CENPC: variants seen among roughly 807,000 people sequenced by gnomAD.
The protein encoded by CENPC is CENP-C 1.
In CENPC, 63 loss-of-function variants were observed where a neutral mutation model predicts 112.1. The ratio of observed to expected loss-of-function variants is 0.56; its 90% confidence interval spans 0.46 to 0.69. The LOEUF (loss-of-function observed/expected upper bound fraction) is 0.69. Among genes scored for constraint, CENPC ranks in the 30% least tolerant of loss-of-function variants. CENPC has a pLI of 0.00. For synonymous variants in CENPC, 333 were observed against 367.6 expected, an observed-to-expected ratio of 0.91 and a Z score of 1.08; for missense variants, 1,000 against 1,103.8, an observed-to-expected ratio of 0.91 and a Z score of 1.33.
At chr4:67,526,362 A>T (rs1394054836) in intron 5 of CENPC, among the ~76,000 whole-genome samples, 2 of 152,160 alleles carry the variant, frequency 1.3e-5, no homozygotes, top group African/African-American at 4.8e-5. Context: ...TCAAAAAAAA[A>T]ATAGGGTAGT....
At chr4:67,494,018 A>G (rs1307734820) in intron 13 of CENPC, 30 bp from the exon 14 acceptor site, 22 of 1,470,636 alleles carry the variant, frequency 1.5e-5, no homozygotes, top group Non-Finnish European at 2.0e-5. Flanking sequence ...AAAAGTGTAT[A>G]CATAGTTTTT....
At chr4:67,543,616 G>GC (rs762241691) in intron 2 of CENPC, among the ~76,000 whole-genome samples, 3 of 152,040 alleles carry the variant, frequency 2.0e-5, no homozygotes, top group Non-Finnish European at 2.9e-5. Flanking sequence ...ATACTTCTGT[G>GC]CCCCATTGGA....
chr4:67,536,686 T>TA (rs1226035347), intron 4 of CENPC, among the ~76,000 whole-genome samples: 2 of 151,648 alleles, frequency 1.3e-5, no homozygotes, highest in African/African-American at 4.8e-5. Context: ...CCCTAACACC[T>TA]ACAAAGTCTC....
At chr4:67,480,848 A>G (rs192742059) in intron 17 of CENPC, among the ~76,000 whole-genome samples, 3 of 152,320 alleles carry the variant, frequency 2.0e-5, no homozygotes, top group South Asian at 2.1e-4. Flanking sequence ...CATACTGAAC[A>G]AGGAAAAGTT....
At chr4:67,539,737 T>C in intron 4 of CENPC, 103 bp downstream of exon 4, 1 of 579,272 alleles carries the variant, frequency 1.7e-6, no homozygotes. Flanking sequence ...GAATTCCCTT[T>C]CAAGAATAAG....
intron 16 of CENPC, 44 bp from the exon 17 acceptor site, chr4:67,490,165 T>C: frequency 7.4e-7 from 1 of 1,357,668 alleles, no homozygotes; most frequent in Non-Finnish European, 1.0e-6. Context: ...ACAGCAGTAT[T>C]GGTTAATGAT....
At chr4:67,481,115 G>A (rs1270259936) in intron 17 of CENPC, among the ~76,000 whole-genome samples, 2 of 152,078 alleles carry the variant, frequency 1.3e-5, no homozygotes, top group Non-Finnish European at 2.9e-5. Context: ...CAAAATCAAC[G>A]TACACAAATC....
chr4:67,513,049 T>C lies in CENPC; in HGVS notation c.1445-480A>G, dbSNP rs547607245. 3.3e-5 allele frequency among the ~76,000 whole-genome samples: 5 copies of C among 152,160 alleles called. No homozygotes were observed. In the South Asian group the frequency reaches 1.0e-3, roughly 32 times the overall value. ...CTTTTAAAAGCTGTGGTCAGAGAGA[T>C]GAGATGATGGAAGAAGAGGCAAGAT... is the stretch of plus-strand genomic sequence containing the variant. On this transcript the variant is annotated intron_variant, in intron 8 of 18. Transcript: ENST00000273853.
Position 67,495,222 on chromosome 4 carries a change from G to A in CENPC, c.2132-10C>T. On this transcript the variant is annotated splice_polypyrimidine_tract_variant and intron_variant, in intron 12 of 18. Coordinates refer to ENST00000273853, the MANE Select transcript of CENPC (RefSeq NM_001812.4). ...GATTGTTTTGAGTCATCTACAAAAT[G>A]CAAAAGATAATATCATAAGAAATGA... The A allele has an allele frequency of 6.6e-7, 1 of 1,523,800 alleles. No homozygotes were observed. Among genetic ancestry groups the A allele is most frequent in the Non-Finnish European group, 8.8e-7 (1 of 1,136,750 alleles). The allele number at this position is 1,523,800 out of a possible 1,614,324, so 94.4% of individuals were successfully genotyped here. A position where few individuals can be genotyped will look rare whatever the true frequency, so the allele number is the denominator to read the frequency against.
intron 15 of CENPC, 119 bp from the exon 16 acceptor site, chr4:67,492,394 C>G: frequency 1.8e-6 from 1 of 564,668 alleles, no homozygotes; most frequent in East Asian, 3.0e-5. Context: ...GCAAAGAAGT[C>G]TCTTCCTATT....
chr4:67,537,515 G>A (rs992178390), intron 4 of CENPC, among the ~76,000 whole-genome samples: 6 of 152,058 alleles, frequency 3.9e-5, no homozygotes, highest in African/African-American at 7.2e-5. Context: ...TAAAATGGCC[G>A]GGTGCGGTGG....
At chr4:67,527,450 T>A (rs566531597) in intron 5 of CENPC, among the ~76,000 whole-genome samples, 151 of 150,782 alleles carry the variant, frequency 1.0e-3, no homozygotes, top group African/African-American at 3.3e-3. Flanking sequence ...AAAGATCAAA[T>A]GTTTTCTAAG....
chr4:67,512,682 G>T, intron 8 of CENPC, 113 bp from the exon 9 acceptor site: 3 of 682,866 alleles, frequency 4.4e-6, no homozygotes, highest in Non-Finnish European at 6.8e-6. Context: ...TTTATCCTGT[G>T]GCCTTTTCAT....
At chr4:67,520,651 T>C (rs902296105) in intron 5 of CENPC, among the ~76,000 whole-genome samples, 1 of 151,914 alleles carries the variant, frequency 6.6e-6, no homozygotes, top group African/African-American at 2.4e-5. Flanking sequence ...CATCAGAAAA[T>C]GAAGTAGAAC....
chr4:67,538,582 AC>A (rs369517954), intron 4 of CENPC, among the ~76,000 whole-genome samples: 164 of 152,356 alleles, frequency 1.1e-3, no homozygotes, highest in African/African-American at 3.7e-3. Flanking sequence ...ATTCAGGAAG[AC>A]CAAAGTGGTT....
intron 1 of CENPC, among the ~76,000 whole-genome samples, chr4:67,544,795 G>T (rs890858436): frequency 6.6e-6 from 1 of 152,120 alleles, no homozygotes. Flanking sequence ...TCAGCCTCAA[G>T]AACTGCATAA....
intron 12 of CENPC, among the ~76,000 whole-genome samples, chr4:67,503,221 C>A (rs149833949): frequency 1.1e-4 from 16 of 152,216 alleles, no homozygotes; most frequent in Middle Eastern, 6.8e-3. Context: ...TCTGCTCTAA[C>A]CCTCTGGCCT....
chr4:67,494,669 G>A (rs1448924445), intron 13 of CENPC, among the ~76,000 whole-genome samples: 1 of 152,174 alleles, frequency 6.6e-6, no homozygotes, highest in Non-Finnish European at 1.5e-5. Context: ...AGAAAGGTGG[G>A]AACTATCATG....
At chr4:67,480,398 T>G (rs897255268) in intron 17 of CENPC, among the ~76,000 whole-genome samples, 1 of 151,822 alleles carries the variant, frequency 6.6e-6, no homozygotes, top group South Asian at 2.1e-4. Context: ...GACATTCAAT[T>G]TATCTATCAG....
Sources: allele counts gnomAD v4.1 joint callset (sites outside exome capture counted in the v4.1 genomes callset), GRCh38; gene constraint gnomAD v4.1.1; transcripts MANE v1.5; gene names NCBI Gene and HGNC (gene_info 2026-07-23, HGNC 2026-07-21).